The following MYO16 variants were observed in gnomAD, a reference collection of about 807,000 sequenced individuals.
The protein encoded by MYO16 is myosin XVI.
MYO16 carries 94 observed loss-of-function variants against 205.3 expected under a neutral mutation model. That is an observed-to-expected ratio of 0.46 (90% CI 0.39 to 0.54). MYO16 has a LOEUF of 0.54. Among genes scored for constraint, MYO16 ranks in the 20% least tolerant of loss-of-function variants. The pLI is 0.00. For missense variants in MYO16, 2,315 were observed against 2,387.5 expected (o/e 0.97, Z 0.63); for synonymous variants, 988 against 954.0 (o/e 1.04, Z -0.66).
intron 28 of MYO16, among the ~76,000 whole-genome samples, chr13:109,111,924 G>A (rs910839311): frequency 5.9e-5 from 9 of 152,108 alleles, no homozygotes; most frequent in African/African-American, 2.2e-4. Context: ...CTGACCTCAT[G>A]ATCCACCCAC....
intron 6 of MYO16, among the ~76,000 whole-genome samples, chr13:108,801,755 A>G (rs1168906776): frequency 6.6e-6 from 1 of 152,146 alleles, no homozygotes; most frequent in African/African-American, 2.4e-5. Context: ...AAACTGGAAT[A>G]ATAAGAGTGC....
At chr13:108,534,095 G>C in the MYO16 span, among the ~76,000 whole-genome samples, 2 of 152,126 alleles carry the variant, frequency 1.3e-5, no homozygotes, top group Non-Finnish European at 2.9e-5. Flanking sequence ...GTTCTAAGAG[G>C]TTATTTTCTT....
At chr13:108,880,804 C>T (rs1879577187) in intron 12 of MYO16, among the ~76,000 whole-genome samples, 1 of 152,158 alleles carries the variant, frequency 6.6e-6, no homozygotes, top group South Asian at 2.1e-4. Flanking sequence ...CATGATGCCT[C>T]CCGCTTTGTT....
At chr13:108,800,156 A>G (rs1886926384) in intron 6 of MYO16, among the ~76,000 whole-genome samples, 1 of 152,162 alleles carries the variant, frequency 6.6e-6, no homozygotes, top group Admixed American at 6.5e-5. Context: ...TTGCTCCATG[A>G]GGCACCCCCT....
intron 14 of MYO16, among the ~76,000 whole-genome samples, chr13:108,895,400 G>T (rs1028273220): frequency 6.6e-6 from 1 of 152,118 alleles, no homozygotes; most frequent in South Asian, 2.1e-4. Context: ...CATTTATTTA[G>T]TGCCACCTAT....
rs992695263 is a variant in MYO16 at position 109,178,513 on chromosome 13, G to A, written c.5324-1029G>A. ...TGTATATGTTTAATCAATTACCTGT[G>A]CTAGTTAATTATGCTTTCAGAGGAG... is the stretch of plus-strand genomic sequence containing the variant. On this transcript the variant is annotated intron_variant, in intron 33 of 34. Coordinates refer to ENST00000457511, the MANE Select transcript of MYO16 (RefSeq NM_001198950.3). Among the ~76,000 whole-genome samples, 10 of 152,318 alleles carry A rather than the reference G, an allele frequency of 6.6e-5. No individual in the cohort carries two copies. The East Asian group carries it at 9.6e-4, about 15-fold the overall frequency.
At chr13:108,684,245 G>C (rs1334229205) in intron 2 of MYO16, among the ~76,000 whole-genome samples, 1 of 152,184 alleles carries the variant, frequency 6.6e-6, no homozygotes, top group Non-Finnish European at 1.5e-5. Flanking sequence ...AACCCCTAGG[G>C]CATTCTCTTT....
At chr13:108,496,907 G>C in the MYO16 span, among the ~76,000 whole-genome samples, 3 of 152,116 alleles carry the variant, frequency 2.0e-5, no homozygotes, top group African/African-American at 4.8e-5. Flanking sequence ...GCTGACCTGC[G>C]TCTTCCAAAG....
chr13:108,619,026 A>T (rs867374979), intron 1 of MYO16, among the ~76,000 whole-genome samples: 1 of 151,970 alleles, frequency 6.6e-6, no homozygotes, highest in South Asian at 2.1e-4. Flanking sequence ...TATTATCATA[A>T]TTTTTTCCTG....
At chr13:108,965,595 G>C (rs1344084279) in intron 20 of MYO16, among the ~76,000 whole-genome samples, 1 of 151,868 alleles carries the variant, frequency 6.6e-6, no homozygotes, top group Non-Finnish European at 1.5e-5. Context: ...TAGTAGAGAT[G>C]GGGTTTCTCC....
chr13:108,900,577 A>C (rs1880658927), intron 15 of MYO16, among the ~76,000 whole-genome samples: 1 of 152,178 alleles, frequency 6.6e-6, no homozygotes, highest in Admixed American at 6.5e-5. Context: ...AATTGTGAAG[A>C]TTTCATGGAC....
At chr13:108,664,631 A>C (rs1881645025) in intron 1 of MYO16, among the ~76,000 whole-genome samples, 1 of 152,238 alleles carries the variant, frequency 6.6e-6, no homozygotes, top group African/African-American at 2.4e-5. Context: ...CATTTTGTGC[A>C]TGCATAGTTA....
chr13:108,983,820 G>A (rs1037049314), intron 20 of MYO16, among the ~76,000 whole-genome samples: 2 of 152,160 alleles, frequency 1.3e-5, no homozygotes, highest in African/African-American at 4.8e-5. Flanking sequence ...TTGTGAGGAA[G>A]TGCCCACAGT....
intron 24 of MYO16, among the ~76,000 whole-genome samples, chr13:109,051,757 G>A (rs1480429220): frequency 6.6e-6 from 1 of 151,968 alleles, no homozygotes; most frequent in African/African-American, 2.4e-5. Context: ...TGTGTTTTTT[G>A]TTATTTGTTT....
chr13:108,608,797 C>G (rs1409939340), intron 1 of MYO16, among the ~76,000 whole-genome samples: 2 of 152,078 alleles, frequency 1.3e-5, no homozygotes, highest in Non-Finnish European at 2.9e-5. Context: ...CATGCACCAC[C>G]ATGCCCAGCT....
chr13:109,174,287 AATG>A (rs1335668749), intron 33 of MYO16, among the ~76,000 whole-genome samples: 2 of 152,202 alleles, frequency 1.3e-5, no homozygotes, highest in Non-Finnish European at 2.9e-5. Flanking sequence ...TTTTTCCATA[AATG>A]ATGATGACAG....
chr13:108,663,799 C>T (rs1049342859), intron 1 of MYO16, among the ~76,000 whole-genome samples: 5 of 152,182 alleles, frequency 3.3e-5, no homozygotes, highest in Admixed American at 2.0e-4. Flanking sequence ...CAACACATGG[C>T]ACTCTGTGAT....
intron 5 of MYO16, among the ~76,000 whole-genome samples, chr13:108,793,255 C>T (rs1318970145): frequency 6.9e-6 from 1 of 144,898 alleles, no homozygotes; most frequent in East Asian, 2.0e-4. Context: ...CACTGCACTC[C>T]AGCCTGGGCA....
At chr13:109,179,502 G>A in intron 33 of MYO16, 40 bp from the exon 34 acceptor site, 5 of 1,302,246 alleles carry the variant, frequency 3.8e-6, no homozygotes, top group East Asian at 2.3e-5. Flanking sequence ...TTGGAACAAG[G>A]AGACACTGCT....
Sources: allele counts gnomAD v4.1 joint callset (sites outside exome capture counted in the v4.1 genomes callset), GRCh38; gene constraint gnomAD v4.1.1; transcripts MANE v1.5; gene names NCBI Gene and HGNC (gene_info 2026-07-23, HGNC 2026-07-21).